INSR: variants seen among roughly 807,000 people sequenced by gnomAD.
The protein encoded by INSR is IR.
A neutral mutation model predicts 142.6 loss-of-function variants in INSR; 67 were observed. That is an observed-to-expected ratio of 0.47 (90% CI 0.39 to 0.58). INSR has a LOEUF of 0.58. INSR is among the 20% of genes least tolerant of loss of function. INSR has a pLI of 0.00. For missense variants in INSR, 1,248 were observed against 1,833.2 expected, an observed-to-expected ratio of 0.68 and a Z score of 5.83; for synonymous variants, 756 against 743.1, an observed-to-expected ratio of 1.02 and a Z score of -0.28.
At chr19:7,254,785 A>T in intron 2 of INSR, among the ~76,000 whole-genome samples, 1 of 152,186 alleles carries the variant, frequency 6.6e-6, no homozygotes, top group South Asian at 2.1e-4. Flanking sequence ...AGTCACAAAG[A>T]ACAGATTTTA....
At chr19:7,243,435 G>A (rs903205502) in intron 2 of INSR, among the ~76,000 whole-genome samples, 1 of 151,574 alleles carries the variant, frequency 6.6e-6, no homozygotes, top group Admixed American at 6.6e-5. Context: ...TAGTAGAGAC[G>A]GGGTTTCACC....
chr19:7,153,025 AC>A, intron 9 of INSR, 98 bp from the exon 10 acceptor site: 5 of 489,344 alleles, frequency 1.0e-5, no homozygotes, highest in Middle Eastern at 5.0e-4. Flanking sequence ...ACACACACAC[AC>A]CACACACACA....
In INSR at chr19:7,294,023, C is replaced by T; in HGVS notation, c.-132G>A. 1.0e-6 allele frequency: 1 copy of T among 995,270 alleles called. No homozygotes were observed. Among genetic ancestry groups the T allele is most frequent in the Non-Finnish European group, 1.2e-6 (1 of 809,398 alleles). 61.7% of individuals were successfully genotyped at this position (995,270 alleles called of 1,614,324 possible). ...CTCTTCCACGCCCGCGACCCGCGGG[C>T]CGCAGCCCCCCTGCCGGGGAGGGCC... On this transcript the variant is annotated 5_prime_UTR_variant, in exon 1 of 22. Transcript: ENST00000302850.
rs34453877 is a variant in INSR at position 7,142,389 on chromosome 19, C to CAAAAAAAAAAAAAA, written c.2542+413_2542+426dup. ...TGGGCGACAGAGCAAGACTTCATCT[C>CAAAAAAAAAAAAAA]AAAAAAAAAAAAAAAAAAAAAAAAG... is the stretch of plus-strand genomic sequence containing the variant. On this transcript the variant is annotated intron_variant, in intron 12 of 21. Transcript: ENST00000302850. Among the ~76,000 whole-genome samples the CAAAAAAAAAAAAAA allele has an allele frequency of 4.7e-4, 20 of 42,142 alleles. No individual in the cohort carries two copies. In the East Asian group the frequency reaches 0.01, roughly 21 times the overall value. The allele number at this position is 42,142 out of a possible 152,430, so 27.6% of individuals were successfully genotyped here. A position where few individuals can be genotyped will look rare whatever the true frequency, so the allele number is the denominator to read the frequency against.
Position 7,135,419 on chromosome 19 carries a change from G to A in INSR, c.2683-3102C>T, listed in dbSNP as rs1292701483. On this transcript the variant is annotated intron_variant, in intron 13 of 21. Transcript: ENST00000302850. ...CGACCTCCGCCTCCCGAGTTCAAGC[G>A]ATTCTCCTGCCTCAGCCTCCTGAGT... Among the ~76,000 whole-genome samples the A allele has an allele frequency of 3.6e-5, 5 of 139,322 alleles. No individual in the cohort carries two copies. The Admixed American group carries it at 3.9e-4, about 11-fold the overall frequency. The allele number at this position is 139,322 out of a possible 152,430, so 91.4% of individuals were successfully genotyped here.
At chr19:7,138,650 G>A (rs1002045938) in intron 13 of INSR, among the ~76,000 whole-genome samples, 2 of 152,058 alleles carry the variant, frequency 1.3e-5, no homozygotes, top group African/African-American at 4.8e-5. Flanking sequence ...GGAATTACAG[G>A]CATGAGCCAC....
chr19:7,132,593 C>CTTT (rs759007156), intron 13 of INSR, among the ~76,000 whole-genome samples: 1 of 144,504 alleles, frequency 6.9e-6, no homozygotes, highest in Non-Finnish European at 1.5e-5. Context: ...TTTTCTTTTC[C>CTTT]TTTTTTTTTT....
intron 13 of INSR, among the ~76,000 whole-genome samples, chr19:7,135,534 G>A (rs917805498): frequency 1.3e-5 from 2 of 150,914 alleles, no homozygotes; most frequent in African/African-American, 2.4e-5. Flanking sequence ...AAAATTATCT[G>A]GGCATGGTGG....
rs867678139 is a variant in INSR, at chr19:7,120,497, G to A, written c.3659+123C>T. On this transcript the variant is annotated intron_variant, in intron 20 of 21. Transcript: ENST00000302850. ...CCGTGGGAAGATCCTAAGACAGGAC[G>A]CTGCCTTCCTTTCCTTGATGGGGCG... 166 of 1,152,914 alleles carry A rather than the reference G, an allele frequency of 1.4e-4. No individual in the cohort carries two copies. In the Middle Eastern group the frequency reaches 2.7e-3, roughly 19 times the overall value. 71.4% of individuals were successfully genotyped at this position (1,152,914 alleles called of 1,614,324 possible). A position where few individuals can be genotyped will look rare whatever the true frequency, so the allele number is the denominator to read the frequency against.
At chr19:7,282,715 A>C (rs1383388096) in intron 1 of INSR, among the ~76,000 whole-genome samples, 2 of 151,002 alleles carry the variant, frequency 1.3e-5, no homozygotes, top group Non-Finnish European at 3.0e-5. Context: ...GGCCAGGCGC[A>C]GTGGCTCACG....
intron 1 of INSR, among the ~76,000 whole-genome samples, chr19:7,276,562 A>C (rs1395128682): frequency 6.6e-6 from 1 of 151,964 alleles, no homozygotes; most frequent in Non-Finnish European, 1.5e-5. Flanking sequence ...TGCCTCAACA[A>C]GTCTTGGGTT....
In INSR at chr19:7,117,081, G is replaced by A. The variant is rs1226907418; in HGVS notation, c.4124C>T (p.Thr1375Ile). The change falls in exon 22 of 22, where the codon ACC becomes ATC. Residue 1375 changes from threonine (T) to isoleucine (I), a missense_variant. This residue lies in a region of INSR where 122 missense variants were observed against 129.8 expected (regional missense o/e 0.94). Coordinates refer to ENST00000302850, the MANE Select transcript of INSR (RefSeq NM_000208.4). ...NGGKKNGRIL[T>I]LPRSNPS ...TTAGGAAGGATTGGACCGAGGCAAG[G>A]TCAGAATCCGCCCGTTTTTCTTGCC... The A allele has an allele frequency of 1.2e-6, 2 of 1,614,006 alleles. No individual in the cohort carries two copies. The highest frequency in any genetic ancestry group is 2.2e-5 in the East Asian group (1 of 44,888).
chr19:7,121,960 C>T (rs1972501352), intron 19 of INSR, among the ~76,000 whole-genome samples: 1 of 151,920 alleles, frequency 6.6e-6, no homozygotes, highest in Non-Finnish European at 1.5e-5. Flanking sequence ...TTGGCCAACA[C>T]AGTGAAACTC....
rs59770137 is a variant in INSR at position 7,200,859 on chromosome 19, CAAA to C, written c.653-16225_653-16223del. On this transcript the variant is annotated intron_variant, in intron 2 of 21. Coordinates refer to ENST00000302850, the MANE Select transcript of INSR (RefSeq NM_000208.4). ...TGGGTAACAGAGTGAGACCTTATCT[CAAA>C]AAAAAAAAAAAAAAAAAAAGGCTGA... Among the ~76,000 whole-genome samples, 497 of 76,282 alleles carry C rather than the reference CAAA, an allele frequency of 6.5e-3. 1 individual carries two copies. The highest frequency in any genetic ancestry group is 0.01 in the Non-Finnish European group (403 of 39,734). The allele number at this position is 76,282 out of a possible 152,430, so 50.0% of individuals were successfully genotyped here.
At chr19:7,134,638 G>A (rs538002884) in intron 13 of INSR, among the ~76,000 whole-genome samples, 5 of 151,748 alleles carry the variant, frequency 3.3e-5, no homozygotes, top group African/African-American at 4.8e-5. Flanking sequence ...GGTGGTGTGC[G>A]CCTGTAATCC....
At chr19:7,274,364 G>A (rs1968003898) in intron 1 of INSR, among the ~76,000 whole-genome samples, 3 of 151,950 alleles carry the variant, frequency 2.0e-5, no homozygotes, top group Admixed American at 1.3e-4. Context: ...CTCCTAACAG[G>A]ACATGGACTG....
intron 2 of INSR, among the ~76,000 whole-genome samples, chr19:7,207,582 A>T (rs1172868665): frequency 1.8e-5 from 1 of 56,124 alleles, no homozygotes; most frequent in Non-Finnish European, 4.3e-5. Context: ...CAACCATCTC[A>T]AAAAACAACA....
chr19:7,242,226 A>G (rs1262130832), intron 2 of INSR, among the ~76,000 whole-genome samples: 1 of 151,412 alleles, frequency 6.6e-6, no homozygotes, highest in East Asian at 1.9e-4. Flanking sequence ...GAGGCAAGCC[A>G]GATGTGGTGG....
rs565208779 is a variant in INSR at position 7,159,659 on chromosome 19, A to C, written c.2029+3373T>G. On this transcript the variant is annotated intron_variant, in intron 9 of 21. Coordinates refer to ENST00000302850, the MANE Select transcript of INSR (RefSeq NM_000208.4). This position sits in a 1 kb window ranked among gnomAD's most constrained non-coding sequence, Gnocchi z 4.3. ...ACTGGACTCGCCCTGGAGTTATATA[A>C]AGCATCAGAGCAGATAAATCACGTT... The C allele has an allele frequency of 6.6e-6, 1 of 152,316 alleles. No homozygotes were observed. Among genetic ancestry groups the C allele is most frequent in the Non-Finnish European group, 1.5e-5 (1 of 68,054 alleles). The allele number at this position is 152,316 out of a possible 1,614,324, so 9.4% of individuals were successfully genotyped here.
Sources: gnomAD v4.1 joint callset for allele counts (sites outside exome capture counted in the v4.1 genomes callset) on GRCh38, gnomAD v4.1.1 for gene constraint, gnomAD v4.1.1 regional missense constraint, Gnocchi (gnomAD v3.1) non-coding constraint, MANE v1.5 for transcripts, NCBI Gene and HGNC (gene_info 2026-07-23, HGNC 2026-07-21) for gene names.